Variants in CACNA2D1 observed in about 807,000 individuals in gnomAD.
CACNA2D1 encodes the protein calcium voltage-gated channel auxiliary subunit alpha2delta 1.
CACNA2D1 carries 53 observed loss-of-function variants against 171.5 expected under a neutral mutation model. The ratio of observed to expected loss-of-function variants is 0.31; its 90% CI spans 0.25 to 0.39. The LOEUF (loss-of-function observed/expected upper bound fraction) is 0.39, where lower values mean the gene tolerates loss of function less well. Among genes scored for constraint, CACNA2D1 ranks in the 10% least tolerant of loss-of-function variants. The pLI is 1.00. For missense variants in CACNA2D1, 903 were observed against 1,299.8 expected (o/e 0.69, Z 4.69); for synonymous variants, 442 against 443.1 (o/e 1.00, Z 0.03).
At chr7:82,195,383 C>T (rs1490764230) in intron 3 of CACNA2D1, among the ~76,000 whole-genome samples, 1 of 151,636 alleles carries the variant, frequency 6.6e-6, no homozygotes, top group Non-Finnish European at 1.5e-5. Context: ...TCAGGAATCA[C>T]CTTTGGTGAT....
At chr7:82,153,814 A>G (rs1041253247) in intron 4 of CACNA2D1, among the ~76,000 whole-genome samples, 1 of 151,894 alleles carries the variant, frequency 6.6e-6, no homozygotes, top group African/African-American at 2.4e-5. Context: ...CATTGTTCTA[A>G]GATATACAAT....
At chr7:81,966,192 T>C (rs957127847) in intron 31 of CACNA2D1, among the ~76,000 whole-genome samples, 12 of 81,694 alleles carry the variant, frequency 1.5e-4, no homozygotes, top group South Asian at 8.0e-4. Context: ...AAACAAAAAA[T>C]GTCCATGGTT....
At chr7:82,055,643 C>T (rs10239181) in intron 10 of CACNA2D1, among the ~76,000 whole-genome samples, 5 of 150,208 alleles carry the variant, frequency 3.3e-5, no homozygotes, top group African/African-American at 1.2e-4. Flanking sequence ...AACCATCATT[C>T]TCAGCAAACT....
At chr7:82,427,205 T>A (rs1829274980) in intron 1 of CACNA2D1, among the ~76,000 whole-genome samples, 1 of 152,136 alleles carries the variant, frequency 6.6e-6, no homozygotes, top group Non-Finnish European at 1.5e-5. Context: ...ATTTGGATGG[T>A]AGCAAAATGT....
chr7:82,198,399 C>T (rs1259111223), intron 3 of CACNA2D1, among the ~76,000 whole-genome samples: 1 of 152,046 alleles, frequency 6.6e-6, no homozygotes. Flanking sequence ...GCAAAATGGA[C>T]TCATGGAGCC....
chr7:82,111,222 AGCT>A (rs1788331403), intron 6 of CACNA2D1, among the ~76,000 whole-genome samples: 1 of 149,688 alleles, frequency 6.7e-6, no homozygotes, highest in Non-Finnish European at 1.5e-5. Flanking sequence ...TGTCTAAAAA[AGCT>A]ATTTTCCTAG....
chr7:82,197,700 T>A (rs952446529), intron 3 of CACNA2D1, among the ~76,000 whole-genome samples: 1 of 152,018 alleles, frequency 6.6e-6, no homozygotes, highest in Non-Finnish European at 1.5e-5. Flanking sequence ...TTCAGAAGAA[T>A]TAAACATTCA....
At chr7:82,418,799 C>T (rs1386136424) in intron 1 of CACNA2D1, among the ~76,000 whole-genome samples, 1 of 152,138 alleles carries the variant, frequency 6.6e-6, no homozygotes, top group Non-Finnish European at 1.5e-5. Context: ...CAGGCCAGCC[C>T]TATAAAATTT....
At chr7:82,142,025 A>G (rs1174052148) in intron 4 of CACNA2D1, among the ~76,000 whole-genome samples, 1 of 152,162 alleles carries the variant, frequency 6.6e-6, no homozygotes, top group Non-Finnish European at 1.5e-5. Context: ...AAACAACATC[A>G]TCTTGGAAGG....
intron 1 of CACNA2D1, among the ~76,000 whole-genome samples, chr7:82,432,688 G>A (rs1419597323): frequency 6.6e-6 from 1 of 152,160 alleles, no homozygotes; most frequent in African/African-American, 2.4e-5. Context: ...TCTTGACAAG[G>A]ATCTGTTTCG....
intron 29 of CACNA2D1, among the ~76,000 whole-genome samples, 196 bp from the exon 30 acceptor site, chr7:81,967,859 A>C (rs1794875072): frequency 6.6e-6 from 1 of 151,530 alleles, no homozygotes; most frequent in Admixed American, 6.6e-5. Context: ...GAGTGTATTC[A>C]TTAGCCACAA....
At chr7:82,178,836 A>T (rs1247994513) in intron 3 of CACNA2D1, among the ~76,000 whole-genome samples, 1 of 152,104 alleles carries the variant, frequency 6.6e-6, no homozygotes, top group East Asian at 1.9e-4. Flanking sequence ...ATGTGCGTTC[A>T]TCCAGTGCAG....
chr7:82,050,689 T>G (rs1388640937), intron 10 of CACNA2D1: 1 of 698,710 alleles, frequency 1.4e-6, no homozygotes, highest in African/African-American at 1.8e-5. Flanking sequence ...ATGTGAAAGA[T>G]TCATAAAGAA....
intron 21 of CACNA2D1, 126 bp downstream of exon 21, chr7:81,991,059 T>C: frequency 1.7e-6 from 1 of 591,512 alleles, no homozygotes; most frequent in East Asian, 2.8e-5. Context: ...AATTAGTCTA[T>C]AAGTTTAGTA....
intron 25 of CACNA2D1, among the ~76,000 whole-genome samples, chr7:81,974,086 T>C (rs1795581139): frequency 6.6e-6 from 1 of 152,010 alleles, no homozygotes; most frequent in Non-Finnish European, 1.5e-5. Context: ...ATTTGAAGCA[T>C]ATAAATAAAT....
rs182407097 is a variant in CACNA2D1, at chr7:82,069,972, G to A, written c.659-3448C>T. Among the ~76,000 whole-genome samples, 234 of 152,006 alleles carry A rather than the reference G, an allele frequency of 1.5e-3. 1 individual carries two copies. The highest frequency in any genetic ancestry group is 5.1e-3 in the African/African-American group (213 of 41,466). On this transcript the variant is annotated intron_variant, in intron 7 of 38. Coordinates refer to ENST00000356860, the MANE Select transcript of CACNA2D1 (RefSeq NM_000722.4). Reference sequence around the variant, plus strand: ...ATCTAATTGGTGGACCATTATTTTCGGTTTGTCTCAATCATCTCCTATAGA... The same window carrying A: ...ATCTAATTGGTGGACCATTATTTTCAGTTTGTCTCAATCATCTCCTATAGA...
chr7:82,430,624 G>C (rs951081583), intron 1 of CACNA2D1, among the ~76,000 whole-genome samples: 3 of 152,080 alleles, frequency 2.0e-5, no homozygotes, highest in African/African-American at 7.2e-5. Flanking sequence ...TTTATGAGAG[G>C]CTCAACTCCA....
intron 12 of CACNA2D1, among the ~76,000 whole-genome samples, chr7:82,026,732 C>A (rs1801969632): frequency 6.6e-6 from 1 of 151,652 alleles, no homozygotes; most frequent in Admixed American, 6.6e-5. Flanking sequence ...CTCAATTCAT[C>A]CACACACATT....
chr7:82,351,471 C>T (rs773962139), intron 1 of CACNA2D1, among the ~76,000 whole-genome samples: 17 of 151,854 alleles, frequency 1.1e-4, no homozygotes, highest in Non-Finnish European at 2.5e-4. Context: ...GCTTGACTTA[C>T]ATATGAAACA....
Sources: gnomAD v4.1 joint callset for allele counts (sites outside exome capture counted in the v4.1 genomes callset) on GRCh38, gnomAD v4.1.1 for gene constraint, MANE v1.5 for transcripts, NCBI Gene and HGNC (gene_info 2026-07-23, HGNC 2026-07-21) for gene names.